The following GNA11 variants were observed in gnomAD, a reference collection of about 807,000 sequenced individuals.
GNA11 encodes G protein subunit alpha 11.
In GNA11, 8 loss-of-function variants were observed where a neutral mutation model predicts 38.2. The observed-to-expected ratio is 0.21, with a 90% CI of 0.12 to 0.38. GNA11 has a LOEUF of 0.38. Ranked by LOEUF, GNA11 falls within the 10% of genes least tolerant of loss-of-function variation. The pLI is 1.00. For missense variants in GNA11, 268 were observed against 516.3 expected (o/e 0.52, Z 4.66); for synonymous variants, 211 against 221.4 (o/e 0.95, Z 0.42).
chr19:3,097,335 C>T lies in GNA11; in HGVS notation c.136+2548C>T, dbSNP rs377340237. ...CCTAGAATTCTTTCCTCCCCTGCCCCTTAGCAGTGGGGGCTCCATCCCTCC... is the reference window on the plus strand; with the variant it reads ...CCTAGAATTCTTTCCTCCCCTGCCCTTTAGCAGTGGGGGCTCCATCCCTCC... On this transcript the variant is annotated intron_variant, in intron 1 of 6. Transcript: ENST00000078429. Among the ~76,000 whole-genome samples the T allele has an allele frequency of 3.9e-5, 6 of 152,266 alleles. No individual in the cohort carries two copies. The South Asian group carries it at 1.0e-3, about 26-fold the overall frequency.
Position 3,119,057 on chromosome 19 carries a change from G to T in GNA11, c.735+4G>T. ...CCTGGTGGAGTCGGACAACGAGGTG[G>T]GCCCTGCCCTGAGCAGGGGCAGCGT... On this transcript the variant is annotated splice_donor_region_variant and intron_variant, in intron 5 of 6. Coordinates refer to ENST00000078429, the MANE Select transcript of GNA11 (RefSeq NM_002067.5). The surrounding 1 kb of genome is among the most constrained non-coding windows in gnomAD (Gnocchi z 4.6). The T allele has an allele frequency of 6.2e-7, 1 of 1,609,598 alleles. No homozygotes were observed. Among genetic ancestry groups the T allele is most frequent in the Middle Eastern group, 1.7e-4 (1 of 6,056 alleles).
At position 3,122,369 on chromosome 19, in the gene GNA11, G is replaced by A. The variant is rs546369692; in HGVS notation, c.*1190G>A. On this transcript the variant is annotated 3_prime_UTR_variant, in exon 7 of 7. Transcript: ENST00000078429. This position sits in a 1 kb window ranked among gnomAD's most constrained non-coding sequence, Gnocchi z 7.7. ...CAGCACTCGCACTTTGGCCAGGGGC[G>A]CGTGGAAGGTGGTGGCAGGCACCGG... The A allele has an allele frequency of 2.2e-5, 5 of 231,960 alleles. No individual in the cohort carries two copies. Among genetic ancestry groups the A allele is most frequent in the South Asian group, 3.6e-4 (2 of 5,520 alleles). The allele number at this position is 231,960 out of a possible 1,614,324, so 14.4% of individuals were successfully genotyped here. A position where few individuals can be genotyped will look rare whatever the true frequency, so the allele number is the denominator to read the frequency against.
At chr19:3,118,865 G>A in intron 4 of GNA11, 59 bp from the exon 5 acceptor site, 1 of 1,559,456 alleles carries the variant, frequency 6.4e-7, no homozygotes, top group Non-Finnish European at 8.8e-7. Context: ...GCCGTCCTGG[G>A]ATTGCAGATT....
In GNA11 at chr19:3,113,335, T is replaced by C. The variant is rs1363750968; in HGVS notation, c.327T>C (p.Asn109=). The change falls in exon 3 of 7, where the codon AAT becomes AAC. Residue 109 remains asparagine, a synonymous_variant. Coordinates refer to ENST00000078429, the MANE Select transcript of GNA11 (RefSeq NM_002067.5). The part of the protein sequence containing the change: ...ILYKYEQNKA[N]ALLIREVDVE... ...TCCCCTGCCCGCCCTCGCAGGCCAA[T>C]GCGCTCCTGATCCGGGAGGTGGACG... 5 of 1,613,156 alleles carry C rather than the reference T, an allele frequency of 3.1e-6. No individual in the cohort carries two copies. The Admixed American group carries it at 8.3e-5, about 27-fold the overall frequency.
chr19:3,114,577 C>T (rs532332291), intron 3 of GNA11, among the ~76,000 whole-genome samples: 120 of 152,298 alleles, frequency 7.9e-4, no homozygotes, highest in African/African-American at 2.7e-3. Flanking sequence ...CTGGGGCCAG[C>T]CAGGCCTCTC....
At chr19:3,102,207 G>A (rs1355167840) in intron 1 of GNA11, among the ~76,000 whole-genome samples, 2 of 152,196 alleles carry the variant, frequency 1.3e-5, no homozygotes, top group Non-Finnish European at 2.9e-5. Context: ...CCACTTGGGA[G>A]CCAGTCTGCA....
In GNA11 at chr19:3,122,447, C is replaced by T. The variant is rs556058956; in HGVS notation, c.*1268C>T. On this transcript the variant is annotated 3_prime_UTR_variant, in exon 7 of 7. Transcript: ENST00000078429. The surrounding 1 kb of genome is among the most constrained non-coding windows in gnomAD (Gnocchi z 7.7). ...CACGACCACGGCCCGAGGGGGAGCC[C>T]GCCAGGCCACGCCGCACTGAGCCAC... The T allele has an allele frequency of 4.8e-5, 11 of 231,376 alleles. No individual in the cohort carries two copies. The highest frequency in any genetic ancestry group is 1.2e-4 in the East Asian group (2 of 16,436). The allele number at this position is 231,376 out of a possible 1,614,324, so 14.3% of individuals were successfully genotyped here. A position where few individuals can be genotyped will look rare whatever the true frequency, so the allele number is the denominator to read the frequency against.
chr19:3,103,907 G>T (rs958125642), intron 1 of GNA11, among the ~76,000 whole-genome samples: 2 of 151,784 alleles, frequency 1.3e-5, no homozygotes, highest in African/African-American at 4.8e-5. Context: ...GGATGGTCTC[G>T]ATCTCCTGAC....
chr19:3,113,615 C>T (rs937250966), intron 3 of GNA11, 131 bp downstream of exon 3: 5 of 668,686 alleles, frequency 7.5e-6, no homozygotes, highest in African/African-American at 1.9e-5. Context: ...TGCGGTGGGC[C>T]CGGGCCACCT....
rs538532343 is a variant in GNA11 at position 3,109,811 on chromosome 19, C to T, written c.137-338C>T. Among the ~76,000 whole-genome samples the T allele has an allele frequency of 1.6e-4, 24 of 152,338 alleles. 2 individuals carry two copies. In the South Asian group the frequency reaches 2.3e-3, roughly 14 times the overall value. On this transcript the variant is annotated intron_variant, in intron 1 of 6. Coordinates refer to ENST00000078429, the MANE Select transcript of GNA11 (RefSeq NM_002067.5). ...CCGTGGTGGAGCTGCACAGTCCCAGCTGCGGGGCCGGTGCCGTGCGACTTG... is the reference window on the plus strand; with the variant it reads ...CCGTGGTGGAGCTGCACAGTCCCAGTTGCGGGGCCGGTGCCGTGCGACTTG...
rs2145329595 is a variant in GNA11, at chr19:3,121,248, C to A, written c.*69C>A. The A allele has an allele frequency of 7.6e-7, 1 of 1,315,328 alleles. No individual in the cohort carries two copies. Among genetic ancestry groups the A allele is most frequent in the Non-Finnish European group, 1.1e-6 (1 of 940,476 alleles). The allele number at this position is 1,315,328 out of a possible 1,614,324, so 81.5% of individuals were successfully genotyped here. On this transcript the variant is annotated 3_prime_UTR_variant, in exon 7 of 7. Transcript: ENST00000078429. ...CTTCCTTCCACGGAGCCTGCGGCTG[C>A]CGGGCGGGTGGCGCTGCCGAGTCCG...
chr19:3,112,972 G>A lies in GNA11; in HGVS notation c.322-358G>A, dbSNP rs1352917913. On this transcript the variant is annotated intron_variant, in intron 2 of 6. Transcript: ENST00000078429. ...GTCGTCGTGCTTGGTCGTGCTCGGC[G>A]CTGCACTGCCCTCCTGTGGGTCCTG... 3.3e-5 allele frequency among the ~76,000 whole-genome samples: 5 copies of A among 152,312 alleles called. No individual in the cohort carries two copies. In the East Asian group the frequency reaches 5.8e-4, roughly 18 times the overall value.
chr19:3,099,377 TA>T (rs1343861617), intron 1 of GNA11, among the ~76,000 whole-genome samples: 2 of 152,134 alleles, frequency 1.3e-5, no homozygotes, highest in African/African-American at 4.8e-5. Context: ...TGGATGCGAT[TA>T]GGGGCGGCCA....
rs535392608 is a variant in GNA11 at position 3,119,906 on chromosome 19, C to T, written c.889+547C>T. 4.6e-5 allele frequency among the ~76,000 whole-genome samples: 7 copies of T among 152,096 alleles called. No individual in the cohort carries two copies. Among genetic ancestry groups the T allele is most frequent in the African/African-American group, 7.2e-5 (3 of 41,494 alleles). On this transcript the variant is annotated intron_variant, in intron 6 of 6. Coordinates refer to ENST00000078429, the MANE Select transcript of GNA11 (RefSeq NM_002067.5). This position sits in a 1 kb window ranked among gnomAD's most constrained non-coding sequence, Gnocchi z 4.6. Reference sequence around the variant, plus strand: ...CCCTCCCTACGTGGCCCCTGCCCCACGGGGTGTGTCAGGGCAGCTGAGCAC... The same window carrying T: ...CCCTCCCTACGTGGCCCCTGCCCCATGGGGTGTGTCAGGGCAGCTGAGCAC...
chr19:3,113,905 G>A (rs411386), intron 3 of GNA11, among the ~76,000 whole-genome samples: 2 of 152,150 alleles, frequency 1.3e-5, no homozygotes, highest in South Asian at 4.1e-4. Context: ...TCTCCCACTA[G>A]TGACTGGCTG....
intron 1 of GNA11, among the ~76,000 whole-genome samples, chr19:3,102,571 C>G (rs1599297718): frequency 6.6e-6 from 1 of 152,208 alleles, no homozygotes. Flanking sequence ...ACCGAAGTCT[C>G]TTCAGGCCCT....
In GNA11 at chr19:3,108,500, GAC is replaced by G. The variant is rs1187918017; in HGVS notation, c.137-1645_137-1644del. On this transcript the variant is annotated intron_variant, in intron 1 of 6. Transcript: ENST00000078429. This position sits in a 1 kb window ranked among gnomAD's most constrained non-coding sequence, Gnocchi z 4.5. ...GTGGGGAGGTGCCGGAAGATTCAGAGACACAGGGTGGTGAAGGCGAGCCTGGA... is the reference window on the plus strand; with the variant it reads ...GTGGGGAGGTGCCGGAAGATTCAGAGACAGGGTGGTGAAGGCGAGCCTGGA... Among the ~76,000 whole-genome samples the G allele has an allele frequency of 6.6e-6, 1 of 151,730 alleles. No homozygotes were observed. The highest frequency in any genetic ancestry group is 1.5e-5 in the Non-Finnish European group (1 of 67,944).
Position 3,108,643 on chromosome 19 carries a change from T to C in GNA11, c.137-1506T>C, listed in dbSNP as rs976914228. ...AGTTGAGGCAGTCTCTTTTTAGAAA[T>C]TAGAAGTTAACTATTGCTGTGTAAT... On this transcript the variant is annotated intron_variant, in intron 1 of 6. Coordinates refer to ENST00000078429, the MANE Select transcript of GNA11 (RefSeq NM_002067.5). The surrounding 1 kb of genome is among the most constrained non-coding windows in gnomAD (Gnocchi z 4.5). Among the ~76,000 whole-genome samples, 3 of 152,184 alleles carry C rather than the reference T, an allele frequency of 2.0e-5. No homozygotes were observed. The highest frequency in any genetic ancestry group is 7.2e-5 in the African/African-American group (3 of 41,442).
In GNA11 at chr19:3,123,360, C is replaced by A. The variant is rs187268903; in HGVS notation, c.*2181C>A. ...TCTGAGTGCCTGATCCCCTGCCCCC[C>A]AAAAAAGCAGAGGTAGGTGTTGCAG... On this transcript the variant is annotated 3_prime_UTR_variant, in exon 7 of 7. Coordinates refer to ENST00000078429, the MANE Select transcript of GNA11 (RefSeq NM_002067.5). The A allele has an allele frequency of 3.0e-5, 7 of 233,414 alleles. No homozygotes were observed. The East Asian group carries it at 3.6e-4, about 12-fold the overall frequency. 14.5% of individuals were successfully genotyped at this position (233,414 alleles called of 1,614,324 possible). A position where few individuals can be genotyped will look rare whatever the true frequency, so the allele number is the denominator to read the frequency against.
Sources: allele counts gnomAD v4.1 joint callset (sites outside exome capture counted in the v4.1 genomes callset), GRCh38; gene constraint gnomAD v4.1.1; non-coding constraint Gnocchi (gnomAD v3.1); transcripts MANE v1.5; gene names NCBI Gene and HGNC (gene_info 2026-07-23, HGNC 2026-07-21).